The following CUL4A variants were observed in gnomAD, a reference collection of about 807,000 sequenced individuals.
CUL4A encodes cullin-4A.
Under a neutral mutation model 95.5 loss-of-function variants are expected in CUL4A, and 16 were observed. The ratio of observed to expected loss-of-function variants is 0.17; its 90% CI spans 0.11 to 0.25. The LOEUF is 0.25. CUL4A is among the 10% of genes least tolerant of loss of function. The probability of loss-of-function intolerance (pLI) is 1.00; values close to 1 mark genes in which losing one functional copy is unlikely to be tolerated. For missense variants in CUL4A, 610 were observed against 937.0 expected, an observed-to-expected ratio of 0.65 and a Z score of 4.56; for synonymous variants, 380 against 353.1, an observed-to-expected ratio of 1.08 and a Z score of -0.85.
rs772454001 is a variant in CUL4A at position 113,263,576 on chromosome 13, G to T, written c.2274G>T (p.Val758=). The change falls in exon 20 of 20, where the codon GTG becomes GTT. Residue 758 remains valine, a synonymous_variant. Coordinates refer to ENST00000375440, the MANE Select transcript of CUL4A (RefSeq NM_001008895.4). ...ACAATCCGAATCAGTACCACTACGT[G>T]GCCTGACGCATCTGCAGACGGTTCC... ...DKDNPNQYHY[V]A is the part of the protein sequence containing the mutation. 6.9e-6 allele frequency: 11 copies of T among 1,584,542 alleles called. No individual in the cohort carries two copies. The South Asian group carries it at 1.1e-4, about 17-fold the overall frequency.
chr13:113,233,120 C>G, intron 5 of CUL4A, 57 bp from the exon 6 acceptor site: 1 of 1,553,946 alleles, frequency 6.4e-7, no homozygotes, highest in Non-Finnish European at 8.8e-7. Flanking sequence ...GGAGATTCAC[C>G]CATAACTTCT....
In CUL4A at chr13:113,219,039, C is replaced by G; in HGVS notation, c.359C>G (p.Pro120Arg). 1 of 1,598,690 alleles carries G rather than the reference C, an allele frequency of 6.3e-7. No individual in the cohort carries two copies. The highest frequency in any genetic ancestry group is 8.5e-7 in the Non-Finnish European group (1 of 1,173,710). Residue 120 changes from proline (P) to arginine (R), a missense_variant, in exon 3 of 20, where the codon CCG becomes CGG. Pro to Arg is a moderately radical substitution (Grantham distance 103). This residue lies in a region of CUL4A where 168 missense variants were observed against 185.5 expected (regional missense o/e 0.91). Transcript: ENST00000375440. Reference protein sequence around the residue: ...CEDHVQAQILPFREDSLDSVL... With the variant: ...CEDHVQAQILRFREDSLDSVL... ...GACCACGTCCAGGCACAGATCCTTC[C>G]GTTTAGAGAATATCCTTTTTTTGGT...
chr13:113,223,389 T>TTTG (rs144868566), intron 3 of CUL4A, among the ~76,000 whole-genome samples: 142 of 152,238 alleles, frequency 9.3e-4, no homozygotes, highest in Middle Eastern at 3.4e-3. Flanking sequence ...ATTTAAGTAA[T>TTTG]TTGTTGTTGT....
intron 12 of CUL4A, 107 bp downstream of exon 12, chr13:113,244,621 T>C: frequency 2.6e-6 from 2 of 780,794 alleles, no homozygotes; most frequent in Non-Finnish European, 2.2e-6. Flanking sequence ...TAGAGCCAGT[T>C]TGCATTAGAA....
At chr13:113,261,629 A>G (rs1368334362) in intron 19 of CUL4A, among the ~76,000 whole-genome samples, 2 of 152,066 alleles carry the variant, frequency 1.3e-5, no homozygotes, top group African/African-American at 4.8e-5. Flanking sequence ...GCAAACAATC[A>G]GGCCCAGCGC....
At chr13:113,251,693 G>A (rs1282447250) in intron 15 of CUL4A, among the ~76,000 whole-genome samples, 2 of 152,148 alleles carry the variant, frequency 1.3e-5, no homozygotes, top group Non-Finnish European at 2.9e-5. Flanking sequence ...AGACGTGCCT[G>A]CTTTTTTCCC....
intron 5 of CUL4A, among the ~76,000 whole-genome samples, chr13:113,230,777 T>TAG (rs1411752900): frequency 4.4e-4 from 64 of 146,376 alleles, no homozygotes; most frequent in African/African-American, 1.4e-3. Flanking sequence ...ATTATTATTA[T>TAG]TATTATTTTT....
intron 5 of CUL4A, among the ~76,000 whole-genome samples, chr13:113,230,453 C>T (rs186021969): frequency 5.1e-4 from 78 of 152,288 alleles, no homozygotes; most frequent in Middle Eastern, 3.4e-3. Context: ...GCCATTTGCC[C>T]TTCTAACTTC....
intron 3 of CUL4A, among the ~76,000 whole-genome samples, chr13:113,220,529 T>C (rs1023608149): frequency 1.3e-5 from 2 of 152,212 alleles, no homozygotes; most frequent in African/African-American, 4.8e-5. Context: ...TCCAGATGTT[T>C]CCATCCAAAA....
chr13:113,209,006 G>T, upstream of CUL4A: 1 of 859,364 alleles, frequency 1.2e-6, no homozygotes. Context: ...TCCGCGCCTG[G>T]CTGGGCCAGG....
intron 6 of CUL4A, 134 bp from the exon 7 acceptor site, chr13:113,233,759 AGCCG>A: frequency 1.5e-6 from 1 of 656,754 alleles, no homozygotes. Context: ...AGGACAGTGC[AGCCG>A]GCCGGCTGGG....
At chr13:113,208,234 C>T (rs1365528878), upstream of CUL4A, 1 of 1,469,702 alleles carries the variant, frequency 6.8e-7, no homozygotes, top group African/African-American at 1.6e-5. Context: ...CCATCCGACA[C>T]AGCACCGCCC....
intron 16 of CUL4A, among the ~76,000 whole-genome samples, chr13:113,253,776 G>A (rs970849198): frequency 6.6e-6 from 1 of 152,102 alleles, no homozygotes; most frequent in Non-Finnish European, 1.5e-5. Flanking sequence ...TATTATGAGC[G>A]ATTATTTAAG....
At chr13:113,224,307 C>CTT (rs2041020620) in intron 3 of CUL4A, among the ~76,000 whole-genome samples, 1 of 151,750 alleles carries the variant, frequency 6.6e-6, no homozygotes, top group African/African-American at 2.4e-5. Context: ...GAGCCGAGAT[C>CTT]GCACCACTGC....
intron 5 of CUL4A, among the ~76,000 whole-genome samples, chr13:113,231,603 G>C (rs896455911): frequency 1.3e-5 from 2 of 152,186 alleles, no homozygotes; most frequent in African/African-American, 4.8e-5. Context: ...ACTGCCCCAA[G>C]GGCTTCAGAG....
Position 113,218,966 on chromosome 13 carries a change from C to G in CUL4A, c.286C>G (p.His96Asp). ...LYQAVENLCS[H>D]KVSPMLYKQL... is the part of the protein sequence containing the mutation. Reference sequence around the variant, plus strand: ...GCAGGCTGTGGAAAATCTCTGTTCTCACAAAGTCTCCCCAATGCTCTACAA... The same window carrying G: ...GCAGGCTGTGGAAAATCTCTGTTCTGACAAAGTCTCCCCAATGCTCTACAA... The change falls in exon 3 of 20, where the codon CAC becomes GAC. Residue 96 changes from histidine to aspartate, a missense_variant. By Grantham distance (81) the His-to-Asp change is moderately conservative. This residue lies in a region of CUL4A where 168 missense variants were observed against 185.5 expected (regional missense o/e 0.91). Coordinates refer to ENST00000375440, the MANE Select transcript of CUL4A (RefSeq NM_001008895.4). 6.2e-7 allele frequency: 1 copy of G among 1,613,206 alleles called. No individual in the cohort carries two copies. The highest frequency in any genetic ancestry group is 8.5e-7 in the Non-Finnish European group (1 of 1,179,654).
intron 18 of CUL4A, 64 bp from the exon 19 acceptor site, chr13:113,260,543 C>G: frequency 6.9e-7 from 1 of 1,457,868 alleles, no homozygotes; most frequent in Non-Finnish European, 9.2e-7. Flanking sequence ...GAGTGAGACT[C>G]CATCGCAAAA....
intron 18 of CUL4A, among the ~76,000 whole-genome samples, chr13:113,256,913 C>CTTTTTTTTTTCT (rs1566372467): frequency 2.6e-5 from 2 of 77,884 alleles, no homozygotes; most frequent in Non-Finnish European, 4.9e-5. Flanking sequence ...TGCTTTGTCC[C>CTTTTTTTTTTCT]TTTTTTTTTT....
intron 15 of CUL4A, among the ~76,000 whole-genome samples, chr13:113,251,033 C>G (rs2041981708): frequency 6.6e-6 from 1 of 152,136 alleles, no homozygotes. Flanking sequence ...ACTAAAAGGG[C>G]ACGTCAAGTC....
Sources: allele counts gnomAD v4.1 joint callset (sites outside exome capture counted in the v4.1 genomes callset), GRCh38; gene constraint gnomAD v4.1.1; regional missense constraint gnomAD v4.1.1; transcripts MANE v1.5; gene names NCBI Gene and HGNC (gene_info 2026-07-23, HGNC 2026-07-21).